MYCBP2: variants seen among roughly 807,000 people sequenced by gnomAD.
The protein encoded by MYCBP2 is MYC binding protein 2.
Under a neutral mutation model 525.3 loss-of-function variants are expected in MYCBP2, and 120 were observed. That is an observed-to-expected ratio of 0.23 (90% CI 0.20 to 0.27). The LOEUF (loss-of-function observed/expected upper bound fraction) is 0.27. MYCBP2 is among the 10% of genes least tolerant of loss of function. The pLI is 1.00. For synonymous variants in MYCBP2, 1,894 were observed against 1,955.8 expected (o/e 0.97, Z 0.83); for missense variants, 4,149 against 5,657.1 (o/e 0.73, Z 8.55).
intron 55 of MYCBP2, among the ~76,000 whole-genome samples, chr13:77,105,347 T>C (rs887253446): frequency 1.9e-4 from 29 of 152,118 alleles, no homozygotes; most frequent in African/African-American, 6.3e-4. Flanking sequence ...TTTCAATATA[T>C]TACAAAGGCT....
At chr13:77,255,003 T>C (rs1252662638) in intron 14 of MYCBP2, among the ~76,000 whole-genome samples, 1 of 152,056 alleles carries the variant, frequency 6.6e-6, no homozygotes, top group Non-Finnish European at 1.5e-5. Context: ...CATCTGTTGA[T>C]GGATACTTAA....
intron 46 of MYCBP2, among the ~76,000 whole-genome samples, chr13:77,155,646 G>A (rs2057121187): frequency 1.3e-5 from 2 of 152,096 alleles, no homozygotes; most frequent in African/African-American, 2.4e-5. Context: ...CTTAATGAGT[G>A]TTATTTTTAA....
Position 77,263,722 on chromosome 13 carries a change from T to G in MYCBP2, c.1499A>C (p.Lys500Thr). The G allele has an allele frequency of 6.2e-7, 1 of 1,613,180 alleles. No homozygotes were observed. Among genetic ancestry groups the G allele is most frequent in the South Asian group, 1.1e-5 (1 of 91,032 alleles). Residue 500 changes from lysine to threonine, a missense_variant, in exon 10 of 83, where the codon AAA becomes ACA. Physicochemically the swap from Lys to Thr is moderately conservative, Grantham distance 78 (BLOSUM62 -1). This residue lies in a region of MYCBP2 where 262 missense variants were observed against 419.3 expected (regional missense o/e 0.62). Transcript: ENST00000544440. ...GGCATGTAAGCATTTTCTAGCCAGTTTAAGTTGCAATTCTTGCTGTAGAAC... is the reference window on the plus strand; with the variant it reads ...GGCATGTAAGCATTTTCTAGCCAGTGTAAGTTGCAATTCTTGCTGTAGAAC... The part of the protein sequence containing the change: ...EPVLQQELQL[K>T]LARKCLHACG...
chr13:77,205,209 A>T (rs1270164883), intron 26 of MYCBP2, 47 bp downstream of exon 26: 1 of 1,423,972 alleles, frequency 7.0e-7, no homozygotes, highest in Non-Finnish European at 9.3e-7. Flanking sequence ...TTAAGTCAAA[A>T]TCAGTATGTT....
intron 82 of MYCBP2, among the ~76,000 whole-genome samples, chr13:77,049,642 C>A (rs1566269099): frequency 1.3e-5 from 2 of 151,884 alleles, no homozygotes; most frequent in South Asian, 2.1e-4. Flanking sequence ...CTCTGTTCTG[C>A]AATTTGCTTT....
At chr13:77,099,615 A>G (rs546623496) in intron 55 of MYCBP2, 1 of 153,086 alleles carries the variant, frequency 6.5e-6, no homozygotes, top group Non-Finnish European at 1.5e-5. Flanking sequence ...AATGCCCTGA[A>G]GCTGTTATTT....
chr13:77,094,201 G>A (rs2045883826), intron 58 of MYCBP2, among the ~76,000 whole-genome samples: 1 of 152,104 alleles, frequency 6.6e-6, no homozygotes, highest in South Asian at 2.1e-4. Flanking sequence ...CTGTTGGTCG[G>A]CAAGCCATGT....
chr13:77,098,446 G>A lies in MYCBP2; in HGVS notation c.8708C>T (p.Ser2903Leu), dbSNP rs1432581303. 1 of 1,613,580 alleles carries A rather than the reference G, an allele frequency of 6.2e-7. No homozygotes were observed. Among genetic ancestry groups the A allele is most frequent in the Admixed American group, 1.7e-5 (1 of 59,890 alleles). Residue 2903 changes from serine (S) to leucine (L), a missense_variant, in exon 56 of 83, where the codon TCA becomes TTA. Ser to Leu is a moderately radical substitution (Grantham distance 145). Coordinates refer to ENST00000544440, the MANE Select transcript of MYCBP2 (RefSeq NM_015057.5). ...RGRSTSPKPK[S>L]VPKDSTDSPG... ...GGAATCTGTAGAATCCTTTGGTACT[G>A]ATTTTGGTTTTGGTGACGTTGACCG...
Position 77,191,777 on chromosome 13 carries a change from G to A in MYCBP2, c.3972C>T (p.Leu1324=). 1 of 1,614,066 alleles carries A rather than the reference G, an allele frequency of 6.2e-7. No homozygotes were observed. Among genetic ancestry groups the A allele is most frequent in the Non-Finnish European group, 8.5e-7 (1 of 1,179,988 alleles). Residue 1324 remains leucine (L), a synonymous_variant, in exon 28 of 83, where the codon CTC becomes CTT. Coordinates refer to ENST00000544440, the MANE Select transcript of MYCBP2 (RefSeq NM_015057.5). ...CCACATACCACCACCCAGCTTGCAG[G>A]AGAACAGGCTCATCAAACATCATTG... is the stretch of plus-strand genomic sequence containing the variant. ...KYAMMFDEPV[L]LQAGWWYVAW...
At chr13:77,126,060 A>C (rs2051602695) in intron 53 of MYCBP2, among the ~76,000 whole-genome samples, 1 of 152,238 alleles carries the variant, frequency 6.6e-6, no homozygotes, top group Admixed American at 6.5e-5. Flanking sequence ...ATTTGTAATA[A>C]TGAAAAAATA....
In MYCBP2 at chr13:77,058,171, C is replaced by A; in HGVS notation, c.13329+47G>T. On this transcript the variant is annotated intron_variant, in intron 78 of 82. Transcript: ENST00000544440. This position sits in a 1 kb window ranked among gnomAD's most constrained non-coding sequence, Gnocchi z 4.1. ...AATGTTTATTTGACAAATATATTCC[C>A]CATCTTAATGTCTGGATACATTCAA... 6.3e-7 allele frequency: 1 copy of A among 1,575,522 alleles called. No individual in the cohort carries two copies. Among genetic ancestry groups the A allele is most frequent in the Non-Finnish European group, 8.7e-7 (1 of 1,153,756 alleles).
chr13:77,143,500 T>C (rs1159077140), intron 49 of MYCBP2, among the ~76,000 whole-genome samples: 1 of 152,198 alleles, frequency 6.6e-6, no homozygotes, highest in Non-Finnish European at 1.5e-5. Flanking sequence ...ACCTTTGGCC[T>C]CAGACTGAGA....
intron 2 of MYCBP2, among the ~76,000 whole-genome samples, chr13:77,291,495 GT>G (rs1489614870): frequency 6.6e-6 from 1 of 152,218 alleles, no homozygotes; most frequent in Non-Finnish European, 1.5e-5. Flanking sequence ...TACAGGCCGG[GT>G]GCAGTGACTC....
rs538429465 is a variant in MYCBP2, at chr13:77,304,867, C to T, written c.303-8193G>A. ...CCAATATGAGAAATAAGAAAGGAGA[C>T]ATCACTACAGATGCTGCCCATAAAT... On this transcript the variant is annotated intron_variant, in intron 1 of 82. Transcript: ENST00000544440. 4.6e-5 allele frequency among the ~76,000 whole-genome samples: 7 copies of T among 151,782 alleles called. No homozygotes were observed. In the South Asian group the frequency reaches 1.5e-3, roughly 31 times the overall value.
At position 77,136,785 on chromosome 13, in the gene MYCBP2, C is replaced by T. The variant is rs544917222; in HGVS notation, c.7659+2411G>A. ...GTAGTCTCCCTCAACCTCTTCCCTTCGTCCCTCCCTCCTCTAAAACATAAC... is the reference window on the plus strand; with the variant it reads ...GTAGTCTCCCTCAACCTCTTCCCTTTGTCCCTCCCTCCTCTAAAACATAAC... On this transcript the variant is annotated intron_variant, in intron 52 of 82. Transcript: ENST00000544440. 3.3e-5 allele frequency among the ~76,000 whole-genome samples: 5 copies of T among 152,270 alleles called. No homozygotes were observed. The East Asian group carries it at 9.6e-4, about 29-fold the overall frequency.
At position 77,205,247 on chromosome 13, in the gene MYCBP2, G is replaced by T; in HGVS notation, c.3843+9C>A. On this transcript the variant is annotated intron_variant, in intron 26 of 82. Transcript: ENST00000544440. ...AACAAAAAAGGACAACATTGTTGAT[G>T]AACTTTACCTTAATTTTAGCAGTAT... 1 of 1,560,036 alleles carries T rather than the reference G, an allele frequency of 6.4e-7. No homozygotes were observed. The highest frequency in any genetic ancestry group is 1.3e-5 in the South Asian group (1 of 78,474).
At chr13:77,106,810 G>C (rs2047929034) in intron 55 of MYCBP2, among the ~76,000 whole-genome samples, 1 of 151,860 alleles carries the variant, frequency 6.6e-6, no homozygotes. Flanking sequence ...GGTAAACTGT[G>C]TGTCATGGGG....
rs1594458766 is a variant in MYCBP2 at position 77,264,071 on chromosome 13, G to A, written c.1358-69C>T. The A allele has an allele frequency of 8.6e-6, 11 of 1,281,830 alleles. No homozygotes were observed. The East Asian group carries it at 2.4e-4, about 28-fold the overall frequency. The allele number at this position is 1,281,830 out of a possible 1,614,324, so 79.4% of individuals were successfully genotyped here. A position where few individuals can be genotyped will look rare whatever the true frequency, so the allele number is the denominator to read the frequency against. On this transcript the variant is annotated intron_variant, in intron 8 of 82. Transcript: ENST00000544440. ...CCTTGCAAAATGAATTTACTCCTCT[G>A]TTGAAGTCAAAATGAGAGTTCTCCA...
chr13:77,134,570 C>T (rs568633270), intron 52 of MYCBP2, among the ~76,000 whole-genome samples: 1 of 149,238 alleles, frequency 6.7e-6, no homozygotes, highest in South Asian at 2.1e-4. Context: ...CAAAAAACAA[C>T]AACAAAAATA....
Sources: allele counts gnomAD v4.1 joint callset (sites outside exome capture counted in the v4.1 genomes callset), GRCh38; gene constraint gnomAD v4.1.1; regional missense constraint gnomAD v4.1.1; non-coding constraint Gnocchi (gnomAD v3.1); transcripts MANE v1.5; gene names NCBI Gene and HGNC (gene_info 2026-07-23, HGNC 2026-07-21).